ZC3H4: variants seen among roughly 807,000 people sequenced by gnomAD.
ZC3H4 encodes the protein zinc finger CCCH-type containing 4.
ZC3H4 carries 13 observed loss-of-function variants against 108.3 expected under a neutral mutation model. That is an observed-to-expected ratio of 0.12 (90% CI 0.08 to 0.19). The LOEUF is 0.19. ZC3H4 is among the 10% of genes least tolerant of loss of function. The pLI, the probability that ZC3H4 is intolerant of heterozygous loss-of-function variation, is 1.00. For missense variants in ZC3H4, 1,734 were observed against 1,838.8 expected (o/e 0.94, Z 1.04); for synonymous variants, 917 against 749.6 (o/e 1.22, Z -3.65).
intron 2 of ZC3H4, among the ~76,000 whole-genome samples, chr19:47,098,906 T>A (rs2057864187): frequency 6.6e-6 from 1 of 152,176 alleles, no homozygotes; most frequent in Non-Finnish European, 1.5e-5. Context: ...CTCAACCAGC[T>A]CCACCTCTTC....
chr19:47,067,759 C>T lies in ZC3H4; in HGVS notation c.2509G>A (p.Gly837Arg). 1.2e-6 allele frequency: 2 copies of T among 1,609,336 alleles called. No homozygotes were observed. The highest frequency in any genetic ancestry group is 1.7e-6 in the Non-Finnish European group (2 of 1,178,784). ...CCCAGCCCACTGCTGCTCAGCTCCC[C>T]AACTGAAGCCGGGGGTCGGCTGGAC... ...QTSSRPPASV[G>R]ELSSSGLGDP... Residue 837 changes from glycine (G) to arginine (R), a missense_variant, in exon 15 of 15, where the codon GGG (glycine) becomes AGG (arginine). This residue lies in a region of ZC3H4 where 540 missense variants were observed against 484.1 expected (regional missense o/e 1.12). Transcript: ENST00000253048. This position sits in a 1 kb window ranked among gnomAD's most constrained non-coding sequence, Gnocchi z 6.4.
chr19:47,067,289 G>T lies in ZC3H4; in HGVS notation c.2979C>A (p.Asp993Glu). 1.3e-6 allele frequency: 2 copies of T among 1,590,324 alleles called. No homozygotes were observed. Among genetic ancestry groups the T allele is most frequent in the Non-Finnish European group, 1.7e-6 (2 of 1,167,544 alleles). The change falls in exon 15 of 15, where the codon GAC (aspartate) becomes GAA (glutamate). Residue 993 changes from aspartate to glutamate, a missense_variant. Physicochemically the swap from Asp to Glu is conservative, Grantham distance 45 (BLOSUM62 2). Around this residue, in one of 9 missense-constraint regions of ZC3H4, gnomAD observed 518 missense variants for 499.6 expected, o/e 1.04. Transcript: ENST00000253048. This position sits in a 1 kb window ranked among gnomAD's most constrained non-coding sequence, Gnocchi z 6.4. ...GGGCCGCGGGCACGGGGGGCACTGC[G>T]TCCTGCTTGGGGATGGGTAGGGGGA... ...DLIPLPIPKQ[D>E]AVPPVPAALQ...
At chr19:47,099,821 TAAAAAAAAAAAAAA>T (rs34876026) in intron 2 of ZC3H4, among the ~76,000 whole-genome samples, 2 of 103,154 alleles carry the variant, frequency 1.9e-5, no homozygotes, top group African/African-American at 7.0e-5. Context: ...TACAAGAGTT[TAAAAAAAAAAAAAA>T]AAAAAAAAAG....
In ZC3H4 at chr19:47,072,713, T is replaced by C. The variant is rs766236335; in HGVS notation, c.1441A>G (p.Met481Val). 6 of 1,613,352 alleles carry C rather than the reference T, an allele frequency of 3.7e-6. No homozygotes were observed. The South Asian group carries it at 6.6e-5, about 18-fold the overall frequency. Residue 481 changes from methionine to valine, a missense_variant and splice_region_variant, in exon 12 of 15, where the codon ATG (methionine) becomes GTG (valine). By Grantham distance (21) the Met-to-Val change is conservative. Transcript: ENST00000253048. The surrounding 1 kb of genome is among the most constrained non-coding windows in gnomAD (Gnocchi z 5.6). ...CCTGCTTCTGCATCATCGGCCAACA[T>C]CTGCGGGTGTGAAAGAACAAAAGAA... is the stretch of plus-strand genomic sequence containing the variant. Reference protein sequence around the residue: ...TEETRELLDKMLADDAEAGAE... With the variant: ...TEETRELLDKVLADDAEAGAE...
chr19:47,081,376 C>G, intron 11 of ZC3H4, 137 bp downstream of exon 11: 1 of 684,910 alleles, frequency 1.5e-6, no homozygotes, highest in Non-Finnish European at 2.6e-6. Context: ...TGCCCGTGTC[C>G]TCCTTAGAAT....
chr19:47,094,835 G>C (rs1008670940), intron 2 of ZC3H4, among the ~76,000 whole-genome samples: 1 of 152,136 alleles, frequency 6.6e-6, no homozygotes, highest in Non-Finnish European at 1.5e-5. Flanking sequence ...AGGAGTTTAA[G>C]GGCATTACCA....
At chr19:47,088,649 T>G (rs1385401736) in intron 5 of ZC3H4, among the ~76,000 whole-genome samples, 1 of 151,946 alleles carries the variant, frequency 6.6e-6, no homozygotes, top group Non-Finnish European at 1.5e-5. Context: ...CAGAGCAAGA[T>G]TCTGTCTCCC....
At chr19:47,071,718 A>C (rs1023552604) in intron 13 of ZC3H4, 60 bp downstream of exon 13, 11 of 1,511,078 alleles carry the variant, frequency 7.3e-6, no homozygotes, top group Admixed American at 2.2e-5. Context: ...CATCTCCCCA[A>C]CTCTGCTCCA....
chr19:47,084,289 T>C, intron 9 of ZC3H4, 56 bp downstream of exon 9: 4 of 1,537,988 alleles, frequency 2.6e-6, no homozygotes, highest in Non-Finnish European at 3.6e-6. Flanking sequence ...CTGGAAGCCA[T>C]GTGTCCTCTG....
Position 47,085,432 on chromosome 19 carries a change from G to A in ZC3H4, c.871-18C>T, listed in dbSNP as rs777483848. 7 of 1,545,308 alleles carry A rather than the reference G, an allele frequency of 4.5e-6. No homozygotes were observed. Among genetic ancestry groups the A allele is most frequent in the Admixed American group, 4.1e-5 (2 of 48,214 alleles). ...TCTCCATACTGGAATGCGCAGAGGAGAGGGCAGGAGAGCGTCAGGTAGGGA... is the reference window on the plus strand; with the variant it reads ...TCTCCATACTGGAATGCGCAGAGGAAAGGGCAGGAGAGCGTCAGGTAGGGA... On this transcript the variant is annotated intron_variant, in intron 6 of 14. Transcript: ENST00000253048.
Position 47,066,856 on chromosome 19 carries a change from C to T in ZC3H4, c.3412G>A (p.Gly1138Arg), listed in dbSNP as rs755947831. Reference protein sequence around the residue: ...AGGLGQGGGGGQSSVLSGISL... With the variant: ...AGGLGQGGGGRQSSVLSGISL... ...ATACCGCTCAGCACACTGCTCTGCC[C>T]GCCCCCTCCGCCCTGGCCCAGTCCA... Residue 1138 changes from glycine to arginine, a missense_variant, in exon 15 of 15, where the codon GGG becomes AGG. This residue lies in a region of ZC3H4 where 518 missense variants were observed against 499.6 expected (regional missense o/e 1.04). Coordinates refer to ENST00000253048, the MANE Select transcript of ZC3H4 (RefSeq NM_015168.2). 37 of 1,598,426 alleles carry T rather than the reference C, an allele frequency of 2.3e-5. No individual in the cohort carries two copies. The highest frequency in any genetic ancestry group is 6.7e-5 in the African/African-American group (5 of 74,904).
chr19:47,093,437 G>A (rs557652466), intron 4 of ZC3H4, among the ~76,000 whole-genome samples: 77 of 152,226 alleles, frequency 5.1e-4, no homozygotes, highest in African/African-American at 1.7e-3. Flanking sequence ...CCAGTCAGCC[G>A]TGACGTGGAC....
chr19:47,094,064 C>A lies in ZC3H4; in HGVS notation c.398G>T (p.Ser133Ile). 2 of 1,614,156 alleles carry A rather than the reference C, an allele frequency of 1.2e-6. No individual in the cohort carries two copies. The highest frequency in any genetic ancestry group is 1.7e-6 in the Non-Finnish European group (2 of 1,180,016). Residue 133 changes from serine to isoleucine, a missense_variant, in exon 4 of 15, where the codon AGC (serine) becomes ATC (isoleucine). Around this residue, in one of 9 missense-constraint regions of ZC3H4, gnomAD observed 403 missense variants for 457.0 expected, o/e 0.88. Transcript: ENST00000253048. ...KSKHKRHASSSDDFSDFSDDS... is the reference protein window; with the variant it reads ...KSKHKRHASSIDDFSDFSDDS... ...ATCTGAGAAGTCAGAGAAGTCATCG[C>A]TAGAAGAAGCATGGCGCTGTAATGA...
In ZC3H4 at chr19:47,112,598, G is replaced by T; in HGVS notation, c.-5-9C>A. 5.0e-6 allele frequency: 6 copies of T among 1,206,234 alleles called. No homozygotes were observed. Among genetic ancestry groups the T allele is most frequent in the Non-Finnish European group, 6.2e-6 (6 of 962,740 alleles). 74.7% of individuals were successfully genotyped at this position (1,206,234 alleles called of 1,614,324 possible). A position where few individuals can be genotyped will look rare whatever the true frequency, so the allele number is the denominator to read the frequency against. On this transcript the variant is annotated splice_polypyrimidine_tract_variant and intron_variant, in intron 1 of 14. Coordinates refer to ENST00000253048, the MANE Select transcript of ZC3H4 (RefSeq NM_015168.2). ...CGCGGCCTCCATAGTTCCTTTGGGGGGGAGGGGATGTTAATGCACGAAAAA... is the reference window on the plus strand; with the variant it reads ...CGCGGCCTCCATAGTTCCTTTGGGGTGGAGGGGATGTTAATGCACGAAAAA...
intron 13 of ZC3H4, among the ~76,000 whole-genome samples, chr19:47,070,046 G>A (rs950364835): frequency 3.3e-5 from 5 of 152,182 alleles, no homozygotes; most frequent in Admixed American, 2.0e-4. Context: ...CGCAGCAGGC[G>A]TAGAGGGGAG....
At chr19:47,073,244 G>A (rs966049252) in intron 11 of ZC3H4, among the ~76,000 whole-genome samples, 2 of 152,100 alleles carry the variant, frequency 1.3e-5, no homozygotes, top group African/African-American at 4.8e-5. Flanking sequence ...CTGCACCCCA[G>A]CATGGACAAC....
intron 2 of ZC3H4, chr19:47,096,970 T>G (rs2057831561): frequency 1.0e-6 from 1 of 985,230 alleles, no homozygotes; most frequent in Non-Finnish European, 1.2e-6. Flanking sequence ...GAGGCCTCCT[T>G]CCCTGTCCTG....
chr19:47,103,181 A>G (rs1414127989), intron 2 of ZC3H4, among the ~76,000 whole-genome samples: 1 of 152,200 alleles, frequency 6.6e-6, no homozygotes, highest in African/African-American at 2.4e-5. Flanking sequence ...CATGCCAACT[A>G]AGCTTCAGAT....
At chr19:47,087,880 A>C (rs1454745196) in intron 5 of ZC3H4, among the ~76,000 whole-genome samples, 1 of 151,760 alleles carries the variant, frequency 6.6e-6, no homozygotes. Context: ...TCTCAAAAAA[A>C]ATAAATAAAT....
Sources: gnomAD v4.1 joint callset for allele counts (sites outside exome capture counted in the v4.1 genomes callset) on GRCh38, gnomAD v4.1.1 for gene constraint, gnomAD v4.1.1 regional missense constraint, Gnocchi (gnomAD v3.1) non-coding constraint, MANE v1.5 for transcripts, NCBI Gene and HGNC (gene_info 2026-07-23, HGNC 2026-07-21) for gene names.